Variants in NKAIN2 observed in about 807,000 individuals in gnomAD.
NKAIN2 encodes sodium/potassium transporting ATPase interacting 2.
A neutral mutation model predicts 32.6 loss-of-function variants in NKAIN2; 14 were observed. That is an observed-to-expected ratio of 0.43 (90% confidence interval 0.28 to 0.67). The LOEUF is 0.67. Ranked by LOEUF, NKAIN2 falls within the 30% of genes least tolerant of loss-of-function variation. The pLI is 0.17. For missense variants in NKAIN2, 198 were observed against 258.3 expected, an observed-to-expected ratio of 0.77 and a Z score of 1.60; for synonymous variants, 80 against 87.2, an observed-to-expected ratio of 0.92 and a Z score of 0.46.
At chr6:124,651,530 G>A (rs972607542) in intron 3 of NKAIN2, among the ~76,000 whole-genome samples, 10 of 152,164 alleles carry the variant, frequency 6.6e-5, no homozygotes, top group Non-Finnish European at 1.5e-5. Flanking sequence ...TGGCACGTCT[G>A]CAGAGTCAGC....
At chr6:124,637,313 T>C (rs1055501114) in intron 3 of NKAIN2, among the ~76,000 whole-genome samples, 10 of 151,978 alleles carry the variant, frequency 6.6e-5, no homozygotes, top group African/African-American at 2.4e-4. Flanking sequence ...TAAAAGCCTT[T>C]CCTCTAAAAA....
At chr6:124,776,592 C>T (rs974257753) in intron 4 of NKAIN2, among the ~76,000 whole-genome samples, 1 of 152,174 alleles carries the variant, frequency 6.6e-6, no homozygotes, top group African/African-American at 2.4e-5. Context: ...TTACAAATAG[C>T]TAAAGCTCTT....
chr6:123,922,922 G>A (rs563353937), intron 1 of NKAIN2, among the ~76,000 whole-genome samples: 1 of 152,300 alleles, frequency 6.6e-6, no homozygotes, highest in South Asian at 2.1e-4. Context: ...GTGAATTTCA[G>A]ATGAAATACA....
chr6:124,638,229 G>C (rs991373263), intron 3 of NKAIN2, among the ~76,000 whole-genome samples: 1 of 152,134 alleles, frequency 6.6e-6, no homozygotes, highest in African/African-American at 2.4e-5. Context: ...AATGAAACTA[G>C]ACCCCTCTCT....
chr6:123,835,835 G>A (rs1488535607), intron 1 of NKAIN2, among the ~76,000 whole-genome samples: 1 of 151,834 alleles, frequency 6.6e-6, no homozygotes, highest in Admixed American at 6.6e-5. Flanking sequence ...TTCTTCTCCG[G>A]CTCCCCCTGA....
chr6:124,748,868 G>A (rs1354404424), intron 4 of NKAIN2, among the ~76,000 whole-genome samples: 1 of 127,640 alleles, frequency 7.8e-6, no homozygotes, highest in African/African-American at 2.8e-5. Flanking sequence ...AAAAAAAGAA[G>A]TGTGCAAGTA....
intron 1 of NKAIN2, among the ~76,000 whole-genome samples, chr6:124,280,823 A>G (rs918023034): frequency 6.6e-6 from 1 of 152,194 alleles, no homozygotes; most frequent in African/African-American, 2.4e-5. Context: ...CCTATCTTAA[A>G]TTACAGAACA....
chr6:124,228,923 C>T (rs1792272280), intron 1 of NKAIN2, among the ~76,000 whole-genome samples: 1 of 152,068 alleles, frequency 6.6e-6, no homozygotes, highest in African/African-American at 2.4e-5. Context: ...CTATCATGGC[C>T]ATCTTTTTAT....
intron 3 of NKAIN2, among the ~76,000 whole-genome samples, chr6:124,405,732 C>G (rs1283389672): frequency 1.3e-5 from 2 of 151,954 alleles, no homozygotes; most frequent in African/African-American, 4.8e-5. Context: ...ATTATCCCAT[C>G]AGTGAAAGAG....
At chr6:124,683,246 A>T (rs576451364) in intron 4 of NKAIN2, among the ~76,000 whole-genome samples, 3 of 152,234 alleles carry the variant, frequency 2.0e-5, no homozygotes, top group Non-Finnish European at 4.4e-5. Context: ...TCAACCCTTT[A>T]AATGTAACCA....
chr6:124,223,101 T>A (rs1476817345), intron 1 of NKAIN2, among the ~76,000 whole-genome samples: 1 of 151,290 alleles, frequency 6.6e-6, no homozygotes, highest in Non-Finnish European at 1.5e-5. Flanking sequence ...TAATCCCAGC[T>A]ACTTGGGAGG....
chr6:124,348,159 G>A (rs1798529596), intron 2 of NKAIN2, among the ~76,000 whole-genome samples: 1 of 152,148 alleles, frequency 6.6e-6, no homozygotes, highest in Non-Finnish European at 1.5e-5. Context: ...GGATTTTCGT[G>A]ATCCGCGAAT....
chr6:123,848,594 G>A (rs988364242), intron 1 of NKAIN2, among the ~76,000 whole-genome samples: 4 of 152,166 alleles, frequency 2.6e-5, no homozygotes, highest in African/African-American at 9.7e-5. Flanking sequence ...GTACAGGCCT[G>A]TGCAACTGTG....
intron 1 of NKAIN2, among the ~76,000 whole-genome samples, chr6:124,255,289 A>G (rs988023732): frequency 8.5e-5 from 13 of 152,198 alleles, no homozygotes; most frequent in Non-Finnish European, 1.8e-4. Context: ...ACACTTGTAT[A>G]TTTGGGAAAT....
intron 2 of NKAIN2, among the ~76,000 whole-genome samples, chr6:124,343,606 T>A (rs535196723): frequency 1.3e-5 from 2 of 152,062 alleles, no homozygotes; most frequent in East Asian, 3.9e-4. Flanking sequence ...TTTTCATGTG[T>A]CTTTTGGCTG....
intron 4 of NKAIN2, among the ~76,000 whole-genome samples, chr6:124,681,948 C>G (rs1401569189): frequency 6.6e-6 from 1 of 151,616 alleles, no homozygotes; most frequent in Non-Finnish European, 1.5e-5. Flanking sequence ...AAGAAAGGAA[C>G]AGAGGGAGAA....
At chr6:124,078,050 C>A (rs1783779313) in intron 1 of NKAIN2, among the ~76,000 whole-genome samples, 1 of 152,112 alleles carries the variant, frequency 6.6e-6, no homozygotes, top group South Asian at 2.1e-4. Flanking sequence ...CCTCAGTCCT[C>A]ATAATTTCAT....
chr6:124,297,659 T>C (rs1796114319), intron 2 of NKAIN2, among the ~76,000 whole-genome samples: 1 of 152,010 alleles, frequency 6.6e-6, no homozygotes, highest in Admixed American at 6.5e-5. Flanking sequence ...ATGCTTATTA[T>C]TGTTCTTTTC....
At chr6:124,072,901 A>G (rs1783526308) in intron 1 of NKAIN2, among the ~76,000 whole-genome samples, 1 of 151,956 alleles carries the variant, frequency 6.6e-6, no homozygotes, top group African/African-American at 2.4e-5. Flanking sequence ...ATTTATCTTG[A>G]TACCCAGTTG....
Sources: gnomAD v4.1 joint callset for allele counts (sites outside exome capture counted in the v4.1 genomes callset) on GRCh38, gnomAD v4.1.1 for gene constraint, MANE v1.5 for transcripts, NCBI Gene and HGNC (gene_info 2026-07-23, HGNC 2026-07-21) for gene names.